NBAS: variants seen among roughly 807,000 people sequenced by gnomAD.
NBAS encodes the protein NBAS subunit of NRZ tethering complex, also known as NAG/BC035112 fusion.
Under a neutral mutation model 302.5 loss-of-function variants are expected in NBAS, and 219 were observed. The observed-to-expected ratio is 0.72, with a 90% confidence interval of 0.65 to 0.81. NBAS has a LOEUF of 0.81. NBAS is among the 30% of genes least tolerant of loss of function. The pLI is 0.00. For missense variants in NBAS, 2,932 were observed against 2,841.6 expected (o/e 1.03, Z -0.72); for synonymous variants, 1,118 against 1,021.6 (o/e 1.09, Z -1.80).
At chr2:15,259,312 G>T (rs1016284121) in intron 44 of NBAS, among the ~76,000 whole-genome samples, 2 of 152,100 alleles carry the variant, frequency 1.3e-5, no homozygotes, top group African/African-American at 2.4e-5. Flanking sequence ...CACACAAAAT[G>T]ACTCCATCCA....
chr2:15,239,513 C>T (rs1405677520), intron 44 of NBAS, among the ~76,000 whole-genome samples: 1 of 150,776 alleles, frequency 6.6e-6, no homozygotes, highest in Non-Finnish European at 1.5e-5. Flanking sequence ...ATTTAGCATC[C>T]CTAATTCAAA....
chr2:14,895,042 G>A, the NBAS span, among the ~76,000 whole-genome samples: 52 of 152,202 alleles, frequency 3.4e-4, no homozygotes, highest in African/African-American at 1.2e-3. Context: ...GTGACAGAGC[G>A]AGACTCCAAC....
At chr2:15,466,640 A>C (rs1679734598) in intron 19 of NBAS, among the ~76,000 whole-genome samples, 1 of 152,184 alleles carries the variant, frequency 6.6e-6, no homozygotes, top group African/African-American at 2.4e-5. Context: ...CAACCCACTA[A>C]CAAATAATTA....
the NBAS span, among the ~76,000 whole-genome samples, chr2:15,060,307 C>A: frequency 1.3e-5 from 2 of 152,172 alleles, 1 homozygote; most frequent in South Asian, 4.1e-4. Context: ...CCACCTGCGT[C>A]CCCATGCAGC....
the NBAS span, among the ~76,000 whole-genome samples, chr2:14,854,293 C>T: frequency 1.3e-5 from 2 of 151,340 alleles, no homozygotes; most frequent in Admixed American, 6.6e-5. Flanking sequence ...CAAATAAAAC[C>T]CAAAATTAGT....
At chr2:14,962,745 C>G in the NBAS span, among the ~76,000 whole-genome samples, 1 of 152,106 alleles carries the variant, frequency 6.6e-6, no homozygotes, top group South Asian at 2.1e-4. Flanking sequence ...TGACGCTCCA[C>G]CTCTGCAGCA....
rs776839534 is a variant in NBAS, at chr2:15,539,268, C to T, written c.468G>A (p.Val156=). The change falls in exon 7 of 52, where the codon GTG becomes GTA. Residue 156 remains valine, a synonymous_variant. Coordinates refer to ENST00000281513, the MANE Select transcript of NBAS (RefSeq NM_015909.4). ...LLAYAESTGT[V]RVFDLMGSEL... is the part of the protein sequence containing the mutation. Reference sequence around the variant, plus strand: ...CACTTCCCATGAGATCAAACACCCTCACAGTTCCTGTGCTTTCGGCATAGG... The same window carrying T: ...CACTTCCCATGAGATCAAACACCCTTACAGTTCCTGTGCTTTCGGCATAGG... The T allele has an allele frequency of 6.2e-7, 1 of 1,614,236 alleles. No individual in the cohort carries two copies. The highest frequency in any genetic ancestry group is 2.2e-5 in the East Asian group (1 of 44,882).
At chr2:15,142,430 C>A in the NBAS span, among the ~76,000 whole-genome samples, 9 of 152,208 alleles carry the variant, frequency 5.9e-5, no homozygotes, top group African/African-American at 1.9e-4. Flanking sequence ...AAGGTTCCTG[C>A]AGATGACGTC....
intron 50 of NBAS, among the ~76,000 whole-genome samples, chr2:15,180,685 T>C (rs569353827): frequency 8.5e-5 from 13 of 152,288 alleles, no homozygotes; most frequent in Non-Finnish European, 1.8e-4. Context: ...CACTGCCCAA[T>C]ACCGCAGCCA....
intron 47 of NBAS, among the ~76,000 whole-genome samples, chr2:15,230,393 CAAAAAAAAA>C (rs35319491): frequency 7.7e-5 from 7 of 90,508 alleles, no homozygotes; most frequent in East Asian, 3.5e-4. Context: ...ATTTTTTAGG[CAAAAAAAAA>C]AAAAAAAAAA....
chr2:14,913,722 G>C, the NBAS span, among the ~76,000 whole-genome samples: 3 of 152,174 alleles, frequency 2.0e-5, no homozygotes, highest in African/African-American at 4.8e-5. Flanking sequence ...GGAAGTTACA[G>C]TAATGATCCC....
At chr2:14,911,564 C>T in the NBAS span, among the ~76,000 whole-genome samples, 1 of 152,310 alleles carries the variant, frequency 6.6e-6, no homozygotes, top group South Asian at 2.1e-4. Flanking sequence ...AGATCTGCCA[C>T]TGACAACTGT....
At chr2:15,206,298 G>A (rs1442279209) in intron 48 of NBAS, among the ~76,000 whole-genome samples, 1 of 152,188 alleles carries the variant, frequency 6.6e-6, no homozygotes, top group Non-Finnish European at 1.5e-5. Context: ...TGTCCAAGAT[G>A]TGACCTGGTT....
the NBAS span, among the ~76,000 whole-genome samples, chr2:14,941,488 C>T: frequency 2.0e-5 from 3 of 152,224 alleles, no homozygotes; most frequent in Non-Finnish European, 4.4e-5. Context: ...GCTTCAAACG[C>T]ATCCGTTCTG....
At chr2:14,810,626 C>G in the NBAS span, among the ~76,000 whole-genome samples, 1 of 152,278 alleles carries the variant, frequency 6.6e-6, no homozygotes, top group South Asian at 2.1e-4. Flanking sequence ...CAGATCTGGA[C>G]TCTGGCCTAG....
intron 25 of NBAS, 22 bp from the exon 26 acceptor site, chr2:15,402,323 G>T: frequency 6.2e-7 from 1 of 1,612,238 alleles, no homozygotes; most frequent in Non-Finnish European, 8.5e-7. Flanking sequence ...AAAGTATGTT[G>T]TACTAAATGT....
chr2:15,141,340 A>T, the NBAS span, among the ~76,000 whole-genome samples: 1 of 152,324 alleles, frequency 6.6e-6, no homozygotes, highest in South Asian at 2.1e-4. Context: ...ACACTAGCTC[A>T]TTTAGTACCG....
chr2:15,084,326 G>C, the NBAS span, among the ~76,000 whole-genome samples: 2 of 152,192 alleles, frequency 1.3e-5, no homozygotes, highest in African/African-American at 2.4e-5. Flanking sequence ...GCCTCCCAAA[G>C]TGCTGGTATT....
intron 35 of NBAS, among the ~76,000 whole-genome samples, chr2:15,342,755 T>C (rs1257940399): frequency 6.6e-6 from 1 of 152,090 alleles, no homozygotes; most frequent in Non-Finnish European, 1.5e-5. Context: ...TATCCATGTA[T>C]CTATTTTATC....
Sources: allele counts gnomAD v4.1 joint callset (sites outside exome capture counted in the v4.1 genomes callset), GRCh38; gene constraint gnomAD v4.1.1; transcripts MANE v1.5; gene names NCBI Gene and HGNC (gene_info 2026-07-23, HGNC 2026-07-21).